MAN2B2: variants seen among roughly 807,000 people sequenced by gnomAD.
The protein encoded by MAN2B2 is epididymis-specific alpha-mannosidase.
A neutral mutation model predicts 117.1 loss-of-function variants in MAN2B2; 106 were observed. That is an observed-to-expected ratio of 0.90 (90% confidence interval 0.77 to 1.06). The LOEUF (loss-of-function observed/expected upper bound fraction) is 1.06, where lower values mean the gene tolerates loss of function less well. Among genes scored for constraint, MAN2B2 ranks in the 50% least tolerant of loss-of-function variants. The pLI is 0.00. For synonymous variants in MAN2B2, 544 were observed against 595.1 expected, an observed-to-expected ratio of 0.91 and a Z score of 1.25; for missense variants, 1,326 against 1,381.4, an observed-to-expected ratio of 0.96 and a Z score of 0.64.
At chr4:6,581,281 T>A (rs181882124) in intron 3 of MAN2B2, among the ~76,000 whole-genome samples, 1 of 152,284 alleles carries the variant, frequency 6.6e-6, no homozygotes, top group African/African-American at 2.4e-5. Context: ...GCCAAGCCCT[T>A]TCCCATCTGC....
At position 6,575,204 on chromosome 4, in the gene MAN2B2, C is replaced by G. The variant is rs1270807008; in HGVS notation, c.-7C>G. 4.9e-6 allele frequency: 7 copies of G among 1,434,732 alleles called. No individual in the cohort carries two copies. In the African/African-American group the frequency reaches 5.8e-5, roughly 12 times the overall value. 88.9% of individuals were successfully genotyped at this position (1,434,732 alleles called of 1,614,324 possible). On this transcript the variant is annotated 5_prime_UTR_variant, in exon 1 of 19. Transcript: ENST00000285599. ...TGGGCCTGGCACCTTCCCGGCCTGC[C>G]GCAGGGATGGGGCAGCTGTGCTGGC...
At chr4:6,609,321 C>A (rs1163708324) in intron 12 of MAN2B2, 23 bp downstream of exon 12, 1 of 1,605,752 alleles carries the variant, frequency 6.2e-7, no homozygotes, top group Non-Finnish European at 8.5e-7. Flanking sequence ...GGGTGACCCC[C>A]ACAGCCCGGC....
At position 6,575,283 on chromosome 4, in the gene MAN2B2, G is replaced by A. The variant is rs751905516; in HGVS notation, c.73G>A (p.Gly25Ser). ...GCGACCGCCAGGGGTCCAGTCCGCCGGCCCCATCCGGGCCTTCGTGGTGCC... is the reference window on the plus strand; with the variant it reads ...GCGACCGCCAGGGGTCCAGTCCGCCAGCCCCATCCGGGCCTTCGTGGTGCC... ...LLRPPGVQSA[G>S]PIRAFVVPHS... Residue 25 changes from glycine (G) to serine (S), a missense_variant, in exon 1 of 19, where the codon GGC becomes AGC. Gly to Ser is a moderately conservative substitution (Grantham distance 56). Transcript: ENST00000285599. 7 of 1,563,572 alleles carry A rather than the reference G, an allele frequency of 4.5e-6. No individual in the cohort carries two copies. In the South Asian group the frequency reaches 4.7e-5, roughly 10 times the overall value.
At chr4:6,612,242 G>A (rs1022927799) in intron 15 of MAN2B2, among the ~76,000 whole-genome samples, 2 of 152,214 alleles carry the variant, frequency 1.3e-5, no homozygotes, top group Non-Finnish European at 2.9e-5. Flanking sequence ...ATGCAGAAGA[G>A]CAGCCCGGAC....
Position 6,597,286 on chromosome 4 carries a change from CGCTG to C in MAN2B2, c.1233_1236del (p.Trp412ProfsTer19). ...GGCCCTGCAGCAGCTCCAGCAGCTT[CGCTG>C]GGCCGTCTCCGAGGTAACACCACAT... On this transcript the variant is annotated frameshift_variant, in exon 8 of 19. Coordinates refer to ENST00000285599, the MANE Select transcript of MAN2B2 (RefSeq NM_015274.3). LOFTEE classifies it high-confidence loss of function. 4 of 1,556,946 alleles carry C rather than the reference CGCTG, an allele frequency of 2.6e-6. No homozygotes were observed. The highest frequency in any genetic ancestry group is 3.5e-6 in the Non-Finnish European group (4 of 1,151,046).
rs187277833 is a variant in MAN2B2, at chr4:6,589,175, G to A, written c.680+15G>A. 1.8e-5 allele frequency: 29 copies of A among 1,587,680 alleles called. No individual in the cohort carries two copies. Among genetic ancestry groups the A allele is most frequent in the African/African-American group, 8.1e-5 (6 of 74,376 alleles). On this transcript the variant is annotated intron_variant, in intron 5 of 18. Coordinates refer to ENST00000285599, the MANE Select transcript of MAN2B2 (RefSeq NM_015274.3). ...TTCTCCAACAGGTACGTGCCCTTCC[G>A]CAGTGCCTTTGGGATCTCAGACAGC...
intron 5 of MAN2B2, 149 bp from the exon 6 acceptor site, chr4:6,593,024 C>T: frequency 1.4e-6 from 1 of 709,010 alleles, no homozygotes; most frequent in Non-Finnish European, 2.3e-6. Context: ...AAATCTGTGA[C>T]CCACCGTCGG....
At position 6,614,258 on chromosome 4, in the gene MAN2B2, C is replaced by T. The variant is rs142208146; in HGVS notation, c.2604C>T (p.Ala868=). The T allele has an allele frequency of 1.6e-4, 256 of 1,613,974 alleles. No individual in the cohort carries two copies. The highest frequency in any genetic ancestry group is 8.5e-4 in the East Asian group (38 of 44,884). The change falls in exon 16 of 19, where the codon GCC becomes GCT. Residue 868 remains alanine (A), a synonymous_variant. Coordinates refer to ENST00000285599, the MANE Select transcript of MAN2B2 (RefSeq NM_015274.3). ...PKLPGPQQQE[A]VTLPPNLHLQ... ...TCCCAGGACCCCAGCAGCAAGAGGC[C>T]GTGACGCTGCCCCCGAATCTTCACC...
intron 13 of MAN2B2, 119 bp from the exon 14 acceptor site, chr4:6,610,761 C>CCCAG: frequency 1.2e-6 from 1 of 819,896 alleles, no homozygotes; most frequent in Non-Finnish European, 2.1e-6. Context: ...AAGTCAGGGT[C>CCCAG]CCAGCCCCAT....
chr4:6,594,653 CGACTACTTCCGT>C lies in MAN2B2; in HGVS notation c.980_991del (p.Asp327_Arg330del). ...TCTCGGTGCAGTATGCCACGCTGGG[CGACTACTTCCGT>C]GCCCTGCACGCTCTCAATGTCACCT... On this transcript the variant is annotated inframe_deletion, in exon 7 of 19. Transcript: ENST00000285599. The C allele has an allele frequency of 3.7e-6, 6 of 1,613,536 alleles. No individual in the cohort carries two copies. The highest frequency in any genetic ancestry group is 4.2e-6 in the Non-Finnish European group (5 of 1,180,026).
intron 3 of MAN2B2, among the ~76,000 whole-genome samples, chr4:6,580,852 T>C (rs573306348): frequency 1.1e-4 from 16 of 152,220 alleles, no homozygotes; most frequent in African/African-American, 3.9e-4. Context: ...CGTGCCTAAG[T>C]GCTGATACCC....
intron 2 of MAN2B2, among the ~76,000 whole-genome samples, chr4:6,577,735 T>C (rs905009634): frequency 2.6e-5 from 4 of 152,264 alleles, no homozygotes; most frequent in Admixed American, 2.0e-4. Context: ...CCCAGTGGTC[T>C]GTCTCCTAGC....
intron 1 of MAN2B2, 118 bp from the exon 2 acceptor site, chr4:6,576,460 G>T: frequency 1.7e-6 from 2 of 1,198,424 alleles, no homozygotes; most frequent in Non-Finnish European, 2.4e-6. Flanking sequence ...GGGGTGAGCA[G>T]CAGGGAAGGA....
At chr4:6,596,999 G>A in intron 7 of MAN2B2, 114 bp from the exon 8 acceptor site, 1 of 1,056,140 alleles carries the variant, frequency 9.5e-7, no homozygotes, top group Non-Finnish European at 1.4e-6. Flanking sequence ...CTCCTTGGGT[G>A]ACCCTGGCAG....
At chr4:6,596,185 TGGCGTCCA>T (rs1463836885) in intron 7 of MAN2B2, among the ~76,000 whole-genome samples, 5 of 143,482 alleles carry the variant, frequency 3.5e-5, no homozygotes, top group African/African-American at 1.5e-4. Flanking sequence ...TGGGTGGGCG[TGGCGTCCA>T]GGTGGGCGTG....
chr4:6,613,617 AGGGAG>A (rs879548539), intron 15 of MAN2B2, among the ~76,000 whole-genome samples: 23 of 99,986 alleles, frequency 2.3e-4, no homozygotes, highest in Admixed American at 3.8e-4. Context: ...ATGGAATGGA[AGGGAG>A]GGGAGGGGAG....
At chr4:6,600,480 G>T in intron 9 of MAN2B2, 143 bp from the exon 10 acceptor site, 1 of 931,630 alleles carries the variant, frequency 1.1e-6, no homozygotes, top group East Asian at 2.4e-5. Flanking sequence ...CTGTTGGCCT[G>T]CCCCCTTCCT....
intron 15 of MAN2B2, among the ~76,000 whole-genome samples, chr4:6,612,688 C>A (rs1279694832): frequency 6.6e-6 from 1 of 152,244 alleles, no homozygotes; most frequent in Non-Finnish European, 1.5e-5. Context: ...GTCAGTGGTT[C>A]CTTCTGTGTA....
chr4:6,615,898 G>A (rs967978349), intron 16 of MAN2B2, among the ~76,000 whole-genome samples: 2 of 151,994 alleles, frequency 1.3e-5, no homozygotes, highest in African/African-American at 2.4e-5. Flanking sequence ...CCACCACCCA[G>A]GTTCAAGCAA....
Sources: gnomAD v4.1 joint callset for allele counts (sites outside exome capture counted in the v4.1 genomes callset) on GRCh38, gnomAD v4.1.1 for gene constraint, MANE v1.5 for transcripts, NCBI Gene and HGNC (gene_info 2026-07-23, HGNC 2026-07-21) for gene names.